Variants in KIF13B observed in about 807,000 individuals in gnomAD.
KIF13B encodes kinesin-like protein KIF13B.
A neutral mutation model predicts 222.0 loss-of-function variants in KIF13B; 127 were observed. The ratio of observed to expected loss-of-function variants is 0.57; its 90% CI spans 0.50 to 0.66. The LOEUF is 0.66. Ranked by LOEUF, KIF13B falls within the 30% of genes least tolerant of loss-of-function variation. The pLI is 0.00. For synonymous variants in KIF13B, 976 were observed against 919.0 expected (o/e 1.06, Z -1.12); for missense variants, 2,173 against 2,379.0 (o/e 0.91, Z 1.80).
intron 36 of KIF13B, among the ~76,000 whole-genome samples, chr8:29,095,868 G>A (rs1207769013): frequency 2.6e-5 from 4 of 151,762 alleles, no homozygotes; most frequent in African/African-American, 9.7e-5. Context: ...ACTGGATACT[G>A]CCAGAAATAA....
intron 2 of KIF13B, among the ~76,000 whole-genome samples, chr8:29,210,063 G>GAA (rs397776775): frequency 9.8e-5 from 14 of 142,388 alleles, no homozygotes; most frequent in South Asian, 4.4e-4. Flanking sequence ...CTCAGAGAGA[G>GAA]AAAAAAAAAA....
chr8:29,234,649 A>G (rs559260419), intron 2 of KIF13B, among the ~76,000 whole-genome samples: 3 of 149,596 alleles, frequency 2.0e-5, no homozygotes, highest in African/African-American at 7.4e-5. Context: ...AAATGGTTAA[A>G]TGATTAATTT....
rs1643779177 is a variant in KIF13B at position 29,118,911 on chromosome 8, T to A, written c.3617A>T (p.Glu1206Val). The change falls in exon 30 of 40, where the codon GAG becomes GTG. Residue 1206 changes from glutamate (E) to valine (V), a missense_variant. Physicochemically the swap from Glu to Val is moderately radical, Grantham distance 121. Transcript: ENST00000524189. Reference protein sequence around the residue: ...WDATLTGEEEEEFFELQIVKQ... With the variant: ...WDATLTGEEEVEFFELQIVKQ... ...CACAATCTGCAATTCAAAGAACTCC[T>A]CTTCTTCTTCCCCAGTCAAGGTCGC... 6.2e-7 allele frequency: 1 copy of A among 1,613,700 alleles called. No individual in the cohort carries two copies. The highest frequency in any genetic ancestry group is 8.5e-7 in the Non-Finnish European group (1 of 1,179,788).
chr8:29,123,961 G>A (rs1397812785), intron 27 of KIF13B, 63 bp downstream of exon 27: 1 of 1,001,812 alleles, frequency 1.0e-6, no homozygotes, highest in Non-Finnish European at 1.5e-6. Flanking sequence ...TGGCTACAAA[G>A]GGAGAATAAT....
chr8:29,130,085 T>C (rs1390011132), intron 24 of KIF13B, among the ~76,000 whole-genome samples: 1 of 152,258 alleles, frequency 6.6e-6, no homozygotes, highest in Non-Finnish European at 1.5e-5. Context: ...TTGGTTTATG[T>C]CCTACAAATC....
intron 1 of KIF13B, among the ~76,000 whole-genome samples, chr8:29,256,911 C>T (rs1017840838): frequency 1.3e-5 from 2 of 152,130 alleles, no homozygotes; most frequent in African/African-American, 4.8e-5. Context: ...CTCACCACCA[C>T]ACCCAGCTAG....
Position 29,116,897 on chromosome 8 carries a change from G to T in KIF13B, c.3771C>A (p.Leu1257=). 1 of 1,613,774 alleles carries T rather than the reference G, an allele frequency of 6.2e-7. No homozygotes were observed. The highest frequency in any genetic ancestry group is 8.5e-7 in the Non-Finnish European group (1 of 1,179,692). The change falls in exon 31 of 40, where the codon CTC becomes CTA. Residue 1257 remains leucine, a synonymous_variant. Coordinates refer to ENST00000524189, the MANE Select transcript of KIF13B (RefSeq NM_015254.4). The part of the protein sequence containing the change: ...LFLIVRVTVQ[L]SHPADMQLVL... ...CCAGTTGCATGTCAGCAGGGTGGCT[G>T]AGCTGGACCGTCACGCGCACGATCA...
intron 12 of KIF13B, among the ~76,000 whole-genome samples, chr8:29,164,910 C>T (rs997252857): frequency 8.6e-5 from 13 of 151,450 alleles, no homozygotes; most frequent in Non-Finnish European, 1.6e-4. Context: ...TGCAGTGGCA[C>T]GATCTCAGTT....
At position 29,098,170 on chromosome 8, in the gene KIF13B, C is replaced by CAAAAAA. The variant is rs147089450; in HGVS notation, c.4324+957_4324+962dup. 1.3e-3 allele frequency among the ~76,000 whole-genome samples: 40 copies of CAAAAAA among 30,288 alleles called. 3 individuals are homozygous for CAAAAAA. Among genetic ancestry groups the CAAAAAA allele is most frequent in the East Asian group, 3.3e-3 (3 of 896 alleles). 19.9% of individuals were successfully genotyped at this position (30,288 alleles called of 152,430 possible). A position where few individuals can be genotyped will look rare whatever the true frequency, so the allele number is the denominator to read the frequency against. Reference sequence around the variant, plus strand: ...TGGGCGACAGAGTCAGACTCCATCTCAAAAAAAAAAAAAAAAAAAAGTAAG... The same window carrying CAAAAAA: ...TGGGCGACAGAGTCAGACTCCATCTCAAAAAAAAAAAAAAAAAAAAAAAAAAGTAAG... On this transcript the variant is annotated intron_variant, in intron 36 of 39. Transcript: ENST00000524189.
intron 1 of KIF13B, among the ~76,000 whole-genome samples, chr8:29,249,504 C>T (rs1018899933): frequency 3.3e-5 from 5 of 151,356 alleles, no homozygotes; most frequent in Non-Finnish European, 7.4e-5. Flanking sequence ...TGCTGTACTT[C>T]CTAAAGAACC....
intron 1 of KIF13B, among the ~76,000 whole-genome samples, chr8:29,248,568 G>A (rs1464528860): frequency 6.6e-6 from 1 of 152,134 alleles, no homozygotes; most frequent in Non-Finnish European, 1.5e-5. Flanking sequence ...AAAACCAGCA[G>A]ATCTCGTGAG....
chr8:29,130,387 T>C, intron 24 of KIF13B, 146 bp downstream of exon 24: 1 of 840,926 alleles, frequency 1.2e-6, no homozygotes, highest in Non-Finnish European at 1.9e-6. Flanking sequence ...TAGCAATACT[T>C]GTGACATGAG....
intron 24 of KIF13B, among the ~76,000 whole-genome samples, chr8:29,128,131 CATT>C (rs1289169119): frequency 6.7e-6 from 1 of 148,588 alleles, no homozygotes; most frequent in Non-Finnish European, 1.5e-5. Flanking sequence ...CAGTATATAT[CATT>C]AATATAAATA....
At chr8:29,144,109 C>G (rs1810947011) in intron 18 of KIF13B, among the ~76,000 whole-genome samples, 1 of 151,570 alleles carries the variant, frequency 6.6e-6, no homozygotes, top group Non-Finnish European at 1.5e-5. Flanking sequence ...TTTAGGTTTA[C>G]TGGCTTAATT....
Position 29,261,264 on chromosome 8 carries a change from T to C in KIF13B, c.55+1716A>G, listed in dbSNP as rs565947867. Among the ~76,000 whole-genome samples the C allele has an allele frequency of 3.9e-5, 6 of 152,372 alleles. No individual in the cohort carries two copies. In the South Asian group the frequency reaches 1.0e-3, roughly 26 times the overall value. ...CACATCCGTTCCACAGCTAAAACTA[T>C]TATTCTTTGCCTTCCTCTAAACTCT... On this transcript the variant is annotated intron_variant, in intron 1 of 39. Transcript: ENST00000524189.
chr8:29,209,233 G>A (rs1814096216), intron 2 of KIF13B, among the ~76,000 whole-genome samples: 1 of 152,196 alleles, frequency 6.6e-6, no homozygotes, highest in Admixed American at 6.5e-5. Flanking sequence ...TGAGAGTTTG[G>A]ATAGAGAAGG....
intron 37 of KIF13B, among the ~76,000 whole-genome samples, chr8:29,084,272 G>A (rs566772375): frequency 6.6e-6 from 1 of 152,278 alleles, no homozygotes; most frequent in South Asian, 2.1e-4. Flanking sequence ...AAGGATACGT[G>A]TTTATATAAT....
intron 21 of KIF13B, chr8:29,138,706 A>C (rs1810673698): frequency 6.6e-6 from 1 of 152,180 alleles, no homozygotes; most frequent in Admixed American, 6.5e-5. Flanking sequence ...AAGTAACACC[A>C]ATCAGCAGAA....
chr8:29,193,847 T>C (rs112993326), intron 3 of KIF13B, among the ~76,000 whole-genome samples: 121 of 152,376 alleles, frequency 7.9e-4, no homozygotes, highest in African/African-American at 2.6e-3. Context: ...AGACGGAGTC[T>C]CGCTCTGTCG....
Sources: allele counts gnomAD v4.1 joint callset (sites outside exome capture counted in the v4.1 genomes callset), GRCh38; gene constraint gnomAD v4.1.1; transcripts MANE v1.5; gene names NCBI Gene and HGNC (gene_info 2026-07-23, HGNC 2026-07-21).